Variants in GRIN2A observed in about 807,000 individuals in gnomAD.
GRIN2A encodes glutamate receptor ionotropic, NMDA 2A.
GRIN2A carries 22 observed loss-of-function variants against 113.4 expected under a neutral mutation model. That is an observed-to-expected ratio of 0.19 (90% CI 0.14 to 0.28). GRIN2A has a LOEUF of 0.28. Ranked by LOEUF, GRIN2A falls within the 10% of genes least tolerant of loss-of-function variation. GRIN2A has a pLI of 1.00. For synonymous variants in GRIN2A, 827 were observed against 738.4 expected, an observed-to-expected ratio of 1.12 and a Z score of -1.94; for missense variants, 1,502 against 1,887.0, an observed-to-expected ratio of 0.80 and a Z score of 3.78.
chr16:9,942,294 G>A (rs754788165), intron 2 of GRIN2A, among the ~76,000 whole-genome samples: 2 of 152,066 alleles, frequency 1.3e-5, no homozygotes, highest in Non-Finnish European at 2.9e-5. Flanking sequence ...ACCCATCTAT[G>A]TGCACCAGCT....
At chr16:9,919,549 T>G (rs2044318782) in intron 3 of GRIN2A, among the ~76,000 whole-genome samples, 1 of 152,152 alleles carries the variant, frequency 6.6e-6, no homozygotes, top group African/African-American at 2.4e-5. Flanking sequence ...GAAAGGCAAG[T>G]ACATTTTGTA....
intron 2 of GRIN2A, among the ~76,000 whole-genome samples, chr16:10,055,102 A>T: frequency 1.2e-5 from 1 of 84,152 alleles, no homozygotes; most frequent in Non-Finnish European, 2.3e-5. Context: ...AGAAAGAAAG[A>T]AAGAAAAAAG....
At chr16:9,915,493 C>CATCCG (rs2044231501) in intron 3 of GRIN2A, among the ~76,000 whole-genome samples, 1 of 152,162 alleles carries the variant, frequency 6.6e-6, no homozygotes. Context: ...TTATCAAGGC[C>CATCCG]ATTGCCCCAA....
intron 2 of GRIN2A, among the ~76,000 whole-genome samples, chr16:9,946,072 G>C (rs1169012244): frequency 6.6e-6 from 1 of 152,094 alleles, no homozygotes; most frequent in Non-Finnish European, 1.5e-5. Flanking sequence ...ACATTAATTA[G>C]GACCACACAA....
At chr16:9,952,141 C>G (rs1373665926) in intron 2 of GRIN2A, among the ~76,000 whole-genome samples, 1 of 152,080 alleles carries the variant, frequency 6.6e-6, no homozygotes, top group East Asian at 1.9e-4. Context: ...CCAAGCCTCA[C>G]CCAGAAAGAA....
chr16:9,758,961 C>G lies in GRIN2A; in HGVS notation c.*4188G>C, dbSNP rs1237292976. ...ATCAAGCAACACATTTAGCTTCCACCTACTCAAACTTCTTTTTCTTTGAGT... is the reference window on the plus strand; with the variant it reads ...ATCAAGCAACACATTTAGCTTCCACGTACTCAAACTTCTTTTTCTTTGAGT... On this transcript the variant is annotated 3_prime_UTR_variant, in exon 13 of 13. Transcript: ENST00000330684. The G allele has an allele frequency of 4.5e-6, 1 of 222,034 alleles. No homozygotes were observed. 13.8% of individuals were successfully genotyped at this position (222,034 alleles called of 1,614,324 possible).
intron 11 of GRIN2A, among the ~76,000 whole-genome samples, chr16:9,776,278 ATTT>A (rs34371083): frequency 0.014 from 1,838 of 129,566 alleles, 11 homozygotes; most frequent in Middle Eastern, 0.017. Flanking sequence ...AACATCCTGG[ATTT>A]TTTTTTTTTT....
At chr16:10,133,139 T>A (rs2049102254) in intron 2 of GRIN2A, among the ~76,000 whole-genome samples, 1 of 152,202 alleles carries the variant, frequency 6.6e-6, no homozygotes, top group Non-Finnish European at 1.5e-5. Context: ...CTTAATCACA[T>A]CTTCAAAATC....
intron 3 of GRIN2A, among the ~76,000 whole-genome samples, chr16:9,901,468 T>C (rs1205700775): frequency 6.6e-6 from 1 of 152,174 alleles, no homozygotes; most frequent in African/African-American, 2.4e-5. Flanking sequence ...ACATATTATA[T>C]ATATATTTTT....
chr16:9,987,529 C>T (rs76891903), intron 2 of GRIN2A, among the ~76,000 whole-genome samples: 23 of 152,172 alleles, frequency 1.5e-4, no homozygotes, highest in African/African-American at 4.6e-4. Context: ...CAAACAAATA[C>T]GCCAAAACAT....
At chr16:9,960,220 T>C (rs1596364205) in intron 2 of GRIN2A, among the ~76,000 whole-genome samples, 1 of 152,214 alleles carries the variant, frequency 6.6e-6, no homozygotes, top group African/African-American at 2.4e-5. Flanking sequence ...AAATACTGAA[T>C]GAACTAGATT....
intron 10 of GRIN2A, among the ~76,000 whole-genome samples, chr16:9,819,792 T>C (rs532024617): frequency 2.3e-4 from 35 of 152,028 alleles, no homozygotes; most frequent in African/African-American, 6.3e-4. Flanking sequence ...GGTGAAACCC[T>C]GTCTCTACAA....
intron 2 of GRIN2A, among the ~76,000 whole-genome samples, chr16:10,068,782 C>T (rs9302408): frequency 0.64 from 97,557 of 152,076 alleles, 31,726 homozygotes; most frequent in East Asian, 0.95. Context: ...GACTAACACC[C>T]AATCTAGGGT....
intron 2 of GRIN2A, among the ~76,000 whole-genome samples, chr16:10,103,758 C>T (rs1034673993): frequency 4.6e-5 from 7 of 152,194 alleles, no homozygotes; most frequent in Admixed American, 3.3e-4. Flanking sequence ...CTTCCACATA[C>T]TTTTTGGAGG....
chr16:9,855,885 T>C (rs150173387), intron 4 of GRIN2A, among the ~76,000 whole-genome samples: 1 of 152,304 alleles, frequency 6.6e-6, no homozygotes, highest in African/African-American at 2.4e-5. Flanking sequence ...ATAGTAATTC[T>C]CCATGCTGCA....
intron 2 of GRIN2A, among the ~76,000 whole-genome samples, chr16:10,043,982 T>C (rs28589567): frequency 6.7e-5 from 9 of 134,442 alleles, no homozygotes; most frequent in Non-Finnish European, 8.1e-5. Context: ...CATATATATA[T>C]ACACATACGT....
intron 2 of GRIN2A, among the ~76,000 whole-genome samples, chr16:10,056,051 C>T (rs1567267073): frequency 1.3e-5 from 2 of 152,276 alleles, no homozygotes; most frequent in African/African-American, 4.8e-5. Context: ...AGTTCATATC[C>T]CTGGACAGCT....
At chr16:9,921,204 T>C (rs533731967) in intron 3 of GRIN2A, among the ~76,000 whole-genome samples, 7 of 152,238 alleles carry the variant, frequency 4.6e-5, no homozygotes, top group Non-Finnish European at 8.8e-5. Context: ...TTAGTATTGA[T>C]GACAACATTA....
chr16:10,086,885 T>C (rs1266812818), intron 2 of GRIN2A, among the ~76,000 whole-genome samples: 1 of 152,194 alleles, frequency 6.6e-6, no homozygotes, highest in Non-Finnish European at 1.5e-5. Flanking sequence ...CCTACCTAGC[T>C]GGATGATCCA....
Sources: allele counts gnomAD v4.1 joint callset (sites outside exome capture counted in the v4.1 genomes callset), GRCh38; gene constraint gnomAD v4.1.1; transcripts MANE v1.5; gene names NCBI Gene and HGNC (gene_info 2026-07-23, HGNC 2026-07-21).